Variants in PLSCR4 observed in about 807,000 individuals in gnomAD.
PLSCR4 encodes the protein phospholipid scramblase 4.
In PLSCR4, 25 loss-of-function variants were observed where a neutral mutation model predicts 36.3. The ratio of observed to expected loss-of-function variants is 0.69; its 90% CI spans 0.50 to 0.96. PLSCR4 has a LOEUF of 0.96. Among genes scored for constraint, PLSCR4 ranks in the 40% least tolerant of loss-of-function variants. The pLI is 0.00. For synonymous variants in PLSCR4, 122 were observed against 132.9 expected (o/e 0.92, Z 0.56); for missense variants, 408 against 414.7 (o/e 0.98, Z 0.14).
intron 7 of PLSCR4, 145 bp from the exon 8 acceptor site, chr3:146,195,427 A>C: frequency 1.5e-6 from 1 of 665,530 alleles, no homozygotes; most frequent in Non-Finnish European, 2.5e-6. Context: ...AATGGCCAAA[A>C]AGGGTTAACT....
rs1270882559 is a variant in PLSCR4, at chr3:146,223,834, T to C, written c.-21-1742A>G. 52 of 133,196 alleles carry C rather than the reference T, an allele frequency of 3.9e-4. 2 individuals are homozygous for C. In the South Asian group the frequency reaches 9.5e-3, roughly 24 times the overall value. 8.3% of individuals were successfully genotyped at this position (133,196 alleles called of 1,614,324 possible). On this transcript the variant is annotated intron_variant, in intron 1 of 8. Coordinates refer to ENST00000354952, the MANE Select transcript of PLSCR4 (RefSeq NM_020353.3). The stretch of plus-strand genomic sequence containing the variant: ...CATATATATTTACTTTTATATAATA[T>C]ATATTATGTAAAAATGTTTTAAATA...
chr3:146,195,101 T>C (rs2033647486), intron 8 of PLSCR4, 23 bp downstream of exon 8: 1 of 1,609,164 alleles, frequency 6.2e-7, no homozygotes, highest in South Asian at 1.1e-5. Flanking sequence ...TCTCTCAGGA[T>C]AACTCAAAAA....
chr3:146,202,799 C>A (rs1366298575), intron 4 of PLSCR4, among the ~76,000 whole-genome samples: 1 of 152,018 alleles, frequency 6.6e-6, no homozygotes, highest in African/African-American at 2.4e-5. Flanking sequence ...GTCATTTCAA[C>A]AATGTTCACA....
chr3:146,210,179 T>C (rs1023711081), intron 3 of PLSCR4, among the ~76,000 whole-genome samples: 2 of 152,140 alleles, frequency 1.3e-5, no homozygotes, highest in African/African-American at 2.4e-5. Context: ...TTTTATTGTA[T>C]AATTTTTATT....
chr3:146,247,109 T>G (rs1391723245), intron 1 of PLSCR4, among the ~76,000 whole-genome samples: 1 of 152,230 alleles, frequency 6.6e-6, no homozygotes, highest in Admixed American at 6.5e-5. Flanking sequence ...AACCTCATTC[T>G]TTTTAATGGC....
At chr3:146,247,280 TAA>T (rs996884310) in intron 1 of PLSCR4, among the ~76,000 whole-genome samples, 1 of 152,182 alleles carries the variant, frequency 6.6e-6, no homozygotes, top group Non-Finnish European at 1.5e-5. Context: ...TGTACATTTT[TAA>T]AGATACTATC....
At chr3:146,248,016 A>G (rs537812284) in intron 1 of PLSCR4, among the ~76,000 whole-genome samples, 6 of 152,220 alleles carry the variant, frequency 3.9e-5, no homozygotes, top group Non-Finnish European at 8.8e-5. Flanking sequence ...AAGAATGAGT[A>G]CTATAAAAAT....
intron 1 of PLSCR4, among the ~76,000 whole-genome samples, chr3:146,248,697 T>C (rs1435679645): frequency 2.6e-5 from 4 of 152,180 alleles, no homozygotes; most frequent in African/African-American, 7.2e-5. Flanking sequence ...TTGTAAACAA[T>C]CCTACTTTAA....
At position 146,192,548 on chromosome 3, in the gene PLSCR4, T is replaced by C. The variant is rs1283912642; in HGVS notation, c.*1863A>G. 1 of 151,528 alleles carries C rather than the reference T, an allele frequency of 6.6e-6. No individual in the cohort carries two copies. The highest frequency in any genetic ancestry group is 1.5e-5 in the Non-Finnish European group (1 of 67,830). The allele number at this position is 151,528 out of a possible 1,614,324, so 9.4% of individuals were successfully genotyped here. A position where few individuals can be genotyped will look rare whatever the true frequency, so the allele number is the denominator to read the frequency against. ...AAATTTTAACTCTAAGAGACAAATA[T>C]AATTTTTTAAAAAAGAAATTAAAAA... On this transcript the variant is annotated 3_prime_UTR_variant, in exon 9 of 9. Coordinates refer to ENST00000354952, the MANE Select transcript of PLSCR4 (RefSeq NM_020353.3).
At chr3:146,250,870 G>C (rs899018958) in intron 1 of PLSCR4, 90 bp downstream of exon 1, 23 of 152,484 alleles carry the variant, frequency 1.5e-4, no homozygotes, top group African/African-American at 5.1e-4. Context: ...CCGCGGCCTC[G>C]GGCCTCCCCT....
Position 146,209,631 on chromosome 3 carries a change from G to T in PLSCR4, c.119-2870C>A, listed in dbSNP as rs536075057. On this transcript the variant is annotated intron_variant, in intron 3 of 8. Coordinates refer to ENST00000354952, the MANE Select transcript of PLSCR4 (RefSeq NM_020353.3). The stretch of plus-strand genomic sequence containing the variant: ...TAGGTCTGGTTACCAGGAATTTTTT[G>T]AATAACTTTGATCATTACTAATTTA... Among the ~76,000 whole-genome samples the T allele has an allele frequency of 3.6e-4, 54 of 152,026 alleles. No homozygotes were observed. The South Asian group carries it at 0.011, about 32-fold the overall frequency.
intron 1 of PLSCR4, among the ~76,000 whole-genome samples, chr3:146,238,070 T>C (rs755686675): frequency 3.3e-5 from 5 of 151,930 alleles, no homozygotes; most frequent in Non-Finnish European, 7.4e-5. Flanking sequence ...AACTACCATA[T>C]GCCAATTAGA....
chr3:146,206,845 C>T (rs3762688), intron 3 of PLSCR4, 84 bp from the exon 4 acceptor site: 621,424 of 810,818 alleles, frequency 0.77, 239,411 homozygotes, highest in South Asian at 0.81. Context: ...ATAGATCACA[C>T]GACATCCACT....
chr3:146,197,206 T>G (rs1336740081), intron 6 of PLSCR4, among the ~76,000 whole-genome samples: 1 of 152,182 alleles, frequency 6.6e-6, no homozygotes, highest in Non-Finnish European at 1.5e-5. Flanking sequence ...AGAGATAAGT[T>G]GGCTTGGTTT....
chr3:146,232,870 GA>G (rs1474779034), intron 1 of PLSCR4, among the ~76,000 whole-genome samples: 1 of 152,084 alleles, frequency 6.6e-6, no homozygotes, highest in Non-Finnish European at 1.5e-5. Flanking sequence ...ATTGCCTAAA[GA>G]GGTTTTTTAC....
chr3:146,223,952 TAATA>T (rs2035309642), intron 1 of PLSCR4, among the ~76,000 whole-genome samples: 1 of 133,332 alleles, frequency 7.5e-6, no homozygotes, highest in African/African-American at 2.8e-5. Flanking sequence ...TAATTATAAA[TAATA>T]AATATTTATT....
chr3:146,201,011 G>A lies in PLSCR4; in HGVS notation c.397+24C>T, dbSNP rs1216218165. On this transcript the variant is annotated intron_variant, in intron 5 of 8. Transcript: ENST00000354952. ...ATTTCCATCTGATTAAAATACTGCT[G>A]AGCACTACAAAAATTATACATACTT... is the stretch of plus-strand genomic sequence containing the variant. 3.4e-6 allele frequency: 5 copies of A among 1,463,720 alleles called. No individual in the cohort carries two copies. In the Admixed American group the frequency reaches 8.6e-5, roughly 25 times the overall value. 90.7% of individuals were successfully genotyped at this position (1,463,720 alleles called of 1,614,324 possible).
At chr3:146,220,031 A>G (rs2035068251) in intron 3 of PLSCR4, among the ~76,000 whole-genome samples, 1 of 152,152 alleles carries the variant, frequency 6.6e-6, no homozygotes, top group African/African-American at 2.4e-5. Flanking sequence ...AATGGTTTCT[A>G]CTTCTAAATA....
chr3:146,243,880 C>G (rs570020026), intron 1 of PLSCR4, among the ~76,000 whole-genome samples: 1 of 152,232 alleles, frequency 6.6e-6, no homozygotes, highest in South Asian at 2.1e-4. Context: ...TAATAAAATT[C>G]AGTGAATGAT....
Sources: allele counts gnomAD v4.1 joint callset (sites outside exome capture counted in the v4.1 genomes callset), GRCh38; gene constraint gnomAD v4.1.1; transcripts MANE v1.5; gene names NCBI Gene and HGNC (gene_info 2026-07-23, HGNC 2026-07-21).